ATP2C2: variants seen among roughly 807,000 people sequenced by gnomAD.
ATP2C2 encodes calcium-transporting ATPase type 2C member 2.
ATP2C2 carries 171 observed loss-of-function variants against 110.8 expected under a neutral mutation model. The ratio of observed to expected loss-of-function variants is 1.54; its 90% CI spans 1.36 to 1.75. The LOEUF (loss-of-function observed/expected upper bound fraction) is 1.75. Ranked by LOEUF, ATP2C2 falls within the 40% of genes most tolerant of loss-of-function variation. The pLI is 0.00. For missense variants in ATP2C2, 1,963 were observed against 1,235.0 expected (o/e 1.59, Z -8.84); for synonymous variants, 804 against 508.4 (o/e 1.58, Z -7.82).
At chr16:84,427,820 T>G (rs1907932222) in intron 11 of ATP2C2, among the ~76,000 whole-genome samples, 1 of 152,146 alleles carries the variant, frequency 6.6e-6, no homozygotes, top group Non-Finnish European at 1.5e-5. Context: ...TCCTAACAGT[T>G]ATGGGGTTTC....
rs770770817 is a variant in ATP2C2, at chr16:84,459,189, G to A, written c.2216+1G>A. The A allele has an allele frequency of 9.3e-6, 15 of 1,614,112 alleles. No homozygotes were observed. The highest frequency in any genetic ancestry group is 1.6e-4 in the Middle Eastern group (1 of 6,084). ...ACTTTGTCCGATTCCAGCTGAGCAC[G>A]TAAGTAGAGGCCAGCATTCCGAGTG... On this transcript the variant is annotated splice_donor_variant, in intron 22 of 26. Coordinates refer to ENST00000262429, the MANE Select transcript of ATP2C2 (RefSeq NM_014861.4). LOFTEE classifies it high-confidence loss of function.
In ATP2C2 at chr16:84,383,946, C is replaced by T. The variant is rs140065033; in HGVS notation, c.100-14553C>T. 5.9e-3 allele frequency among the ~76,000 whole-genome samples: 901 copies of T among 151,922 alleles called. 5 individuals carry two copies. Among genetic ancestry groups the T allele is most frequent in the Non-Finnish European group, 9.4e-3 (642 of 67,940 alleles). ...CTGGGACTACAGGCATGTGCCACCA[C>T]GCCCAGCTAATTTTTGTATTGTTGT... On this transcript the variant is annotated intron_variant, in intron 1 of 26. Coordinates refer to ENST00000262429, the MANE Select transcript of ATP2C2 (RefSeq NM_014861.4).
chr16:84,394,774 C>T (rs948227434), intron 1 of ATP2C2, among the ~76,000 whole-genome samples: 2 of 152,140 alleles, frequency 1.3e-5, no homozygotes, highest in African/African-American at 4.8e-5. Flanking sequence ...TCTCCTGTGT[C>T]TCCACATGGA....
intron 26 of ATP2C2, chr16:84,462,999 C>T (rs1225588619): frequency 1.3e-5 from 2 of 154,634 alleles, no homozygotes; most frequent in African/African-American, 2.4e-5. Flanking sequence ...CAGTGAATGC[C>T]CTGTAGGAAC....
chr16:84,460,921 C>T (rs774061920), intron 24 of ATP2C2, 120 bp downstream of exon 24: 123 of 1,351,614 alleles, frequency 9.1e-5, no homozygotes, highest in East Asian at 8.0e-4. Flanking sequence ...GTACACACAC[C>T]GGACAATGTG....
At chr16:84,424,109 C>T (rs1907591957) in intron 10 of ATP2C2, among the ~76,000 whole-genome samples, 1 of 152,220 alleles carries the variant, frequency 6.6e-6, no homozygotes, top group South Asian at 2.1e-4. Flanking sequence ...AACCAACAAG[C>T]CACTGCCTAT....
intron 20 of ATP2C2, among the ~76,000 whole-genome samples, chr16:84,453,899 G>A (rs1910552465): frequency 6.6e-6 from 1 of 152,088 alleles, no homozygotes; most frequent in Non-Finnish European, 1.5e-5. Flanking sequence ...GCAGTGCAGT[G>A]GCACAATCTC....
At chr16:84,440,721 C>T (rs1597840850) in intron 13 of ATP2C2, 136 bp from the exon 14 acceptor site, 3 of 666,890 alleles carry the variant, frequency 4.5e-6, no homozygotes, top group East Asian at 5.4e-5. Context: ...TTTCAGAGAA[C>T]ATCTTCATAC....
At position 84,463,743 on chromosome 16, in the gene ATP2C2, T is replaced by G. The variant is rs755551151; in HGVS notation, c.*11T>G. The G allele has an allele frequency of 6.3e-7, 1 of 1,594,812 alleles. No homozygotes were observed. On this transcript the variant is annotated 3_prime_UTR_variant, in exon 27 of 27. Coordinates refer to ENST00000262429, the MANE Select transcript of ATP2C2 (RefSeq NM_014861.4). ...CCTGAAGATGTGTAGTGGACCGCAC[T>G]CCGCGGCACCTTCCCTAATCATCTC...
chr16:84,430,631 C>G (rs34332874), intron 11 of ATP2C2, among the ~76,000 whole-genome samples: 1 of 133,410 alleles, frequency 7.5e-6, no homozygotes, highest in Non-Finnish European at 1.6e-5. Context: ...CAGAGTGAGA[C>G]ACCATCTCAA....
intron 11 of ATP2C2, among the ~76,000 whole-genome samples, chr16:84,428,382 G>C (rs964091467): frequency 1.3e-5 from 2 of 152,216 alleles, no homozygotes; most frequent in South Asian, 2.1e-4. Flanking sequence ...TGAGGGGCAG[G>C]TGGTAAAATC....
chr16:84,439,137 G>A, intron 11 of ATP2C2, 29 bp from the exon 12 acceptor site: 2 of 1,611,624 alleles, frequency 1.2e-6, no homozygotes, highest in East Asian at 2.2e-5. Context: ...AAATGTGTTA[G>A]AGGGGACTCA....
chr16:84,418,158 A>C (rs1403437955), intron 7 of ATP2C2, among the ~76,000 whole-genome samples: 1 of 152,212 alleles, frequency 6.6e-6, no homozygotes. Context: ...ATGGGACTCC[A>C]AGTGACGCTT....
intron 9 of ATP2C2, 46 bp downstream of exon 9, chr16:84,422,743 G>A: frequency 6.4e-7 from 1 of 1,560,918 alleles, no homozygotes; most frequent in East Asian, 2.2e-5. Context: ...GCTGGAGTTT[G>A]AGATTATTAT....
chr16:84,410,476 C>T lies in ATP2C2; in HGVS notation c.418-92C>T, dbSNP rs1330978358. 4 of 1,391,366 alleles carry T rather than the reference C, an allele frequency of 2.9e-6. No individual in the cohort carries two copies. The African/African-American group carries it at 5.7e-5, about 20-fold the overall frequency. 86.2% of individuals were successfully genotyped at this position (1,391,366 alleles called of 1,614,324 possible). On this transcript the variant is annotated intron_variant, in intron 4 of 26. Coordinates refer to ENST00000262429, the MANE Select transcript of ATP2C2 (RefSeq NM_014861.4). Reference sequence around the variant, plus strand: ...CATGTTTTGCAAGAAGAAAGGAAATCAATCATTAAAGACAAGCCCCTAGCC... The same window carrying T: ...CATGTTTTGCAAGAAGAAAGGAAATTAATCATTAAAGACAAGCCCCTAGCC...
intron 24 of ATP2C2, chr16:84,461,501 T>C (rs1334171837): frequency 1.6e-6 from 1 of 616,612 alleles, no homozygotes; most frequent in East Asian, 2.7e-5. Context: ...CCTGCCCCCA[T>C]CCTCATGGTG....
intron 1 of ATP2C2, among the ~76,000 whole-genome samples, chr16:84,372,996 T>C (rs1049902189): frequency 6.6e-6 from 1 of 151,526 alleles, no homozygotes; most frequent in Non-Finnish European, 1.5e-5. Flanking sequence ...GGCAGGCACC[T>C]GTAATCCCAG....
chr16:84,381,872 A>T (rs1175008593), intron 1 of ATP2C2, among the ~76,000 whole-genome samples: 1 of 152,214 alleles, frequency 6.6e-6, no homozygotes, highest in East Asian at 1.9e-4. Context: ...AGGCTTAGAA[A>T]ATGAAGTAAC....
chr16:84,393,301 G>A (rs1904770773), intron 1 of ATP2C2, among the ~76,000 whole-genome samples: 3 of 152,152 alleles, frequency 2.0e-5, no homozygotes, highest in South Asian at 2.1e-4. Context: ...AGATGAGGGG[G>A]GTGCCCAGGT....
Sources: allele counts gnomAD v4.1 joint callset (sites outside exome capture counted in the v4.1 genomes callset), GRCh38; gene constraint gnomAD v4.1.1; transcripts MANE v1.5; gene names NCBI Gene and HGNC (gene_info 2026-07-23, HGNC 2026-07-21).